KAZN: variants seen among roughly 807,000 people sequenced by gnomAD.
KAZN encodes kazrin.
A neutral mutation model predicts 87.4 loss-of-function variants in KAZN; 40 were observed. The observed-to-expected ratio is 0.46, with a 90% CI of 0.36 to 0.60. The LOEUF (loss-of-function observed/expected upper bound fraction) is 0.60, where lower values mean the gene tolerates loss of function less well. Ranked by LOEUF, KAZN falls within the 20% of genes least tolerant of loss-of-function variation. The pLI is 0.00. For missense variants in KAZN, 898 were observed against 1,073.9 expected (o/e 0.84, Z 2.29); for synonymous variants, 466 against 458.3 (o/e 1.02, Z -0.22).
chr1:14,476,257 C>T lies in KAZN; in HGVS notation c.250-122726C>T, dbSNP rs538064593. On this transcript the variant is annotated intron_variant, in intron 2 of 16. Coordinates refer to the KAZN transcript ENST00000636203. ...CTGTGTTTATTCATTCTCCTCCCTC[C>T]CTGTTGGCTGACAGCTATTGATTTC... 1.9e-4 allele frequency among the ~76,000 whole-genome samples: 29 copies of T among 152,310 alleles called. No homozygotes were observed. In the East Asian group the frequency reaches 5.4e-3, roughly 28 times the overall value.
chr1:14,667,693 C>A (rs1639649258), intron 1 of KAZN, among the ~76,000 whole-genome samples: 2 of 152,060 alleles, frequency 1.3e-5, no homozygotes, highest in Non-Finnish European at 2.9e-5. Flanking sequence ...AACAATGATA[C>A]CTCCTGTGTG....
In KAZN at chr1:14,637,984, C is replaced by A. The variant is rs1680123091; in HGVS notation, c.226+38761C>A. On this transcript the variant is annotated intron_variant, in intron 1 of 14. Coordinates refer to ENST00000376030, the MANE Select transcript of KAZN (RefSeq NM_201628.3). ...ACACCTCTCTCCCCGTCTCTGGCAGCTGCCAGCATTCCTTGGCGTCCTTGG... is the reference window on the plus strand; with the variant it reads ...ACACCTCTCTCCCCGTCTCTGGCAGATGCCAGCATTCCTTGGCGTCCTTGG... Among the ~76,000 whole-genome samples, 3 of 152,182 alleles carry A rather than the reference C, an allele frequency of 2.0e-5. No homozygotes were observed. The South Asian group carries it at 6.2e-4, about 32-fold the overall frequency.
At chr1:14,659,900 C>T (rs2148712569) in intron 1 of KAZN, among the ~76,000 whole-genome samples, 1 of 151,830 alleles carries the variant, frequency 6.6e-6, no homozygotes, top group African/African-American at 2.4e-5. Flanking sequence ...AAAAAGAAAG[C>T]CAAACAACAA....
chr1:14,362,820 G>A (rs1659632125), intron 2 of KAZN, among the ~76,000 whole-genome samples: 1 of 152,138 alleles, frequency 6.6e-6, no homozygotes, highest in Non-Finnish European at 1.5e-5. Context: ...TTGACTCCAA[G>A]GGGTATATTC....
At chr1:14,403,117 C>T (rs1331083002) in intron 2 of KAZN, among the ~76,000 whole-genome samples, 1 of 152,210 alleles carries the variant, frequency 6.6e-6, no homozygotes, top group Non-Finnish European at 1.5e-5. Flanking sequence ...TGAGCCACCA[C>T]ACCCAACCTG....
At chr1:13,948,770 T>C (rs1641238990) in intron 1 of KAZN, among the ~76,000 whole-genome samples, 1 of 152,206 alleles carries the variant, frequency 6.6e-6, no homozygotes, top group South Asian at 2.1e-4. Context: ...TCTGTATCTC[T>C]GGAAGCTTCT....
intron 2 of KAZN, among the ~76,000 whole-genome samples, chr1:14,403,432 T>G (rs1052843677): frequency 2.0e-5 from 3 of 152,110 alleles, no homozygotes; most frequent in Non-Finnish European, 4.4e-5. Context: ...GAAACATTAA[T>G]ATTTGGTTCA....
intron 2 of KAZN, among the ~76,000 whole-genome samples, chr1:14,232,719 T>C (rs1647982889): frequency 1.3e-5 from 2 of 152,240 alleles, no homozygotes. Context: ...GTCTTCATTG[T>C]CACTTTTCCC....
At chr1:15,098,905 C>G (rs1268018396) in intron 10 of KAZN, among the ~76,000 whole-genome samples, 1 of 152,228 alleles carries the variant, frequency 6.6e-6, no homozygotes, top group East Asian at 1.9e-4. Context: ...CACAGATAAG[C>G]CACACCCCAC....
At chr1:13,916,938 A>C (rs1000057909) in intron 1 of KAZN, among the ~76,000 whole-genome samples, 2 of 152,176 alleles carry the variant, frequency 1.3e-5, no homozygotes, top group African/African-American at 4.8e-5. Flanking sequence ...ACACATGTGG[A>C]GGAGGCTGGC....
upstream of KAZN, among the ~76,000 whole-genome samples, chr1:14,595,378 G>A (rs947492852): frequency 6.6e-6 from 1 of 151,982 alleles, no homozygotes; most frequent in African/African-American, 2.4e-5. Context: ...AAAGCCTGGG[G>A]ATAAGAAACG....
intron 1 of KAZN, among the ~76,000 whole-genome samples, chr1:14,869,936 A>G (rs1018771158): frequency 2.0e-5 from 3 of 152,186 alleles, no homozygotes; most frequent in African/African-American, 7.2e-5. Flanking sequence ...AAGCCACCCA[A>G]CACCCACCCC....
rs61773644 is a variant in KAZN, at chr1:14,967,651, G to A, written c.418+6776G>A. 2.6e-3 allele frequency among the ~76,000 whole-genome samples: 399 copies of A among 152,352 alleles called. 2 individuals carry two copies. The highest frequency in any genetic ancestry group is 0.014 in the Middle Eastern group (4 of 294). ...AGAGAGAGTCAGAGGAGATGTGACCGGAGGAGCAGAGGCCAGAGGGATTCA... is the reference window on the plus strand; with the variant it reads ...AGAGAGAGTCAGAGGAGATGTGACCAGAGGAGCAGAGGCCAGAGGGATTCA... On this transcript the variant is annotated intron_variant, in intron 2 of 14. Coordinates refer to ENST00000376030, the MANE Select transcript of KAZN (RefSeq NM_201628.3).
intron 2 of KAZN, among the ~76,000 whole-genome samples, chr1:14,373,878 T>C (rs1360376459): frequency 6.6e-6 from 1 of 152,198 alleles, no homozygotes; most frequent in Non-Finnish European, 1.5e-5. Context: ...GCTAGGGATT[T>C]GGTTGTCCAG....
chr1:14,226,505 G>A (rs1033779933), intron 2 of KAZN, among the ~76,000 whole-genome samples: 1 of 152,102 alleles, frequency 6.6e-6, no homozygotes, highest in Non-Finnish European at 1.5e-5. Context: ...GTTTCTCAGA[G>A]AACTTAAAAT....
At chr1:14,384,469 T>C (rs972078323) in intron 2 of KAZN, among the ~76,000 whole-genome samples, 2 of 151,958 alleles carry the variant, frequency 1.3e-5, no homozygotes, top group Non-Finnish European at 2.9e-5. Context: ...AGATAGCTCT[T>C]ACTATTTTGA....
intron 1 of KAZN, among the ~76,000 whole-genome samples, chr1:14,046,000 G>T (rs1378493117): frequency 6.6e-6 from 1 of 152,194 alleles, no homozygotes; most frequent in Admixed American, 6.5e-5. Context: ...TTACCTCATA[G>T]TGCAGAGAAC....
chr1:14,811,867 C>T (rs1646421286), intron 1 of KAZN, among the ~76,000 whole-genome samples: 2 of 152,182 alleles, frequency 1.3e-5, no homozygotes, highest in African/African-American at 4.8e-5. Context: ...ATGTTACAGA[C>T]TTGGCCCAAG....
At chr1:14,098,415 A>T (rs1159796624) in intron 1 of KAZN, among the ~76,000 whole-genome samples, 1 of 152,196 alleles carries the variant, frequency 6.6e-6, no homozygotes, top group Non-Finnish European at 1.5e-5. Flanking sequence ...GAATTAACCT[A>T]TGCAGCTATA....
Sources: gnomAD v4.1 joint callset for allele counts (sites outside exome capture counted in the v4.1 genomes callset) on GRCh38, gnomAD v4.1.1 for gene constraint, MANE v1.5 for transcripts, NCBI Gene and HGNC (gene_info 2026-07-23, HGNC 2026-07-21) for gene names.